DLC1: variants seen among roughly 807,000 people sequenced by gnomAD.
The protein encoded by DLC1 is DLC1 Rho GTPase activating protein.
DLC1 carries 54 observed loss-of-function variants against 140.3 expected under a neutral mutation model. The ratio of observed to expected loss-of-function variants is 0.38; its 90% CI spans 0.31 to 0.48. DLC1 has a LOEUF of 0.48. Ranked by LOEUF, DLC1 falls within the 20% of genes least tolerant of loss-of-function variation. The pLI is 0.96. For missense variants in DLC1, 2,536 were observed against 1,907.0 expected (o/e 1.33, Z -6.14); for synonymous variants, 986 against 728.1 (o/e 1.35, Z -5.70).
chr8:13,135,207 T>C (rs1027331119), intron 5 of DLC1, among the ~76,000 whole-genome samples: 3 of 147,830 alleles, frequency 2.0e-5, no homozygotes, highest in Non-Finnish European at 3.0e-5. Context: ...GAGAAGCCTT[T>C]TTTTTTTTTT....
chr8:13,262,418 T>C (rs922906928), intron 5 of DLC1, among the ~76,000 whole-genome samples: 3 of 152,188 alleles, frequency 2.0e-5, no homozygotes, highest in African/African-American at 7.2e-5. Context: ...GTTTGACTTG[T>C]GTCCTTCTGG....
intron 3 of DLC1, among the ~76,000 whole-genome samples, chr8:13,394,873 G>A (rs1485686202): frequency 1.3e-5 from 2 of 151,988 alleles, no homozygotes; most frequent in African/African-American, 2.4e-5. Context: ...TTGTCACTCT[G>A]TTGTCAGCTT....
chr8:13,468,490 C>T (rs995990693), intron 2 of DLC1, among the ~76,000 whole-genome samples: 213 of 151,536 alleles, frequency 1.4e-3, no homozygotes, highest in African/African-American at 4.9e-3. Context: ...TAACAATCCA[C>T]CACCTCCCAG....
intron 5 of DLC1, among the ~76,000 whole-genome samples, chr8:13,191,045 A>G (rs565447923): frequency 1.3e-5 from 2 of 152,298 alleles, no homozygotes; most frequent in East Asian, 3.9e-4. Context: ...GAGGTAGAAA[A>G]GTAGAAATGG....
intron 5 of DLC1, among the ~76,000 whole-genome samples, chr8:13,289,839 C>G (rs1393334136): frequency 6.6e-6 from 1 of 152,178 alleles, no homozygotes; most frequent in African/African-American, 2.4e-5. Context: ...CTCTTTTTGT[C>G]TCCCTGCCAT....
At chr8:13,403,441 C>T (rs755739962) in intron 2 of DLC1, among the ~76,000 whole-genome samples, 4 of 152,064 alleles carry the variant, frequency 2.6e-5, no homozygotes, top group Non-Finnish European at 5.9e-5. Context: ...AATTAAATCC[C>T]AGTAATCACT....
intron 1 of DLC1, among the ~76,000 whole-genome samples, chr8:13,575,312 T>G (rs1804800100): frequency 6.6e-6 from 1 of 152,050 alleles, no homozygotes; most frequent in Non-Finnish European, 1.5e-5. Context: ...TGAGAGAGTA[T>G]GAAGGTTTAT....
At chr8:13,418,771 G>A (rs1464904943) in intron 2 of DLC1, among the ~76,000 whole-genome samples, 1 of 152,098 alleles carries the variant, frequency 6.6e-6, no homozygotes, top group Non-Finnish European at 1.5e-5. Context: ...GTAGCTTGAT[G>A]GGGATGGCAT....
chr8:13,597,254 T>G (rs1201133821), intron 1 of DLC1, among the ~76,000 whole-genome samples: 1 of 151,998 alleles, frequency 6.6e-6, no homozygotes, highest in Non-Finnish European at 1.5e-5. Context: ...AGCTTATATC[T>G]CACATTTTAT....
At chr8:13,564,374 A>T (rs537529953) in intron 1 of DLC1, among the ~76,000 whole-genome samples, 1 of 152,296 alleles carries the variant, frequency 6.6e-6, no homozygotes, top group Admixed American at 6.5e-5. Context: ...TGTCACATTC[A>T]ACTTAGCCCC....
intron 4 of DLC1, among the ~76,000 whole-genome samples, chr8:13,387,854 C>G (rs1053000004): frequency 1.2e-4 from 19 of 152,130 alleles, no homozygotes; most frequent in Admixed American, 3.3e-4. Context: ...GTAGCAAAGA[C>G]GTTCGCATGT....
chr8:13,560,520 C>T (rs186623340), intron 1 of DLC1, among the ~76,000 whole-genome samples: 1 of 152,076 alleles, frequency 6.6e-6, no homozygotes, highest in African/African-American at 2.4e-5. Flanking sequence ...AGAAAATCAC[C>T]AGCAGTTTTC....
chr8:13,168,593 A>G (rs1825253085), intron 5 of DLC1, among the ~76,000 whole-genome samples: 2 of 152,262 alleles, frequency 1.3e-5, no homozygotes, highest in Admixed American at 1.3e-4. Flanking sequence ...ACTCAGAGGA[A>G]AGGAAAAGAC....
At chr8:13,568,045 A>C in intron 1 of DLC1, 1 of 1,333,872 alleles carries the variant, frequency 7.5e-7, no homozygotes. Context: ...TGCTTCCTTC[A>C]CAGATTTGAG....
At chr8:13,169,193 T>C (rs1243367082) in intron 5 of DLC1, among the ~76,000 whole-genome samples, 1 of 152,218 alleles carries the variant, frequency 6.6e-6, no homozygotes, top group Non-Finnish European at 1.5e-5. Flanking sequence ...TAACCTTTGA[T>C]TGGTTTGTTC....
intron 1 of DLC1, among the ~76,000 whole-genome samples, chr8:13,565,590 A>G (rs1005965850): frequency 6.6e-6 from 1 of 152,150 alleles, no homozygotes; most frequent in Non-Finnish European, 1.5e-5. Context: ...TATACTTGAG[A>G]GATGCTTTTT....
chr8:13,286,797 A>C (rs886927638), intron 5 of DLC1, among the ~76,000 whole-genome samples: 1 of 152,066 alleles, frequency 6.6e-6, no homozygotes, highest in African/African-American at 2.4e-5. Context: ...ATGCTAAAGA[A>C]AGACAAGTGA....
intron 4 of DLC1, among the ~76,000 whole-genome samples, chr8:13,358,691 CA>C (rs35603108): frequency 8.4e-4 from 125 of 149,316 alleles, no homozygotes; most frequent in Middle Eastern, 3.5e-3. Flanking sequence ...AGGAAGGAGC[CA>C]AAAAAAAATG....
chr8:13,172,049 A>C (rs774366491), intron 5 of DLC1, among the ~76,000 whole-genome samples: 9 of 152,252 alleles, frequency 5.9e-5, no homozygotes, highest in Non-Finnish European at 1.0e-4. Context: ...GATCATTATA[A>C]TAACCAAAAA....
Sources: allele counts gnomAD v4.1 joint callset (sites outside exome capture counted in the v4.1 genomes callset), GRCh38; gene constraint gnomAD v4.1.1; transcripts MANE v1.5; gene names NCBI Gene and HGNC (gene_info 2026-07-23, HGNC 2026-07-21).